MYO10: variants seen among roughly 807,000 people sequenced by gnomAD.
MYO10 encodes unconventional myosin-X.
Under a neutral mutation model 257.3 loss-of-function variants are expected in MYO10, and 133 were observed. The ratio of observed to expected loss-of-function variants is 0.52; its 90% CI spans 0.45 to 0.60. The LOEUF (loss-of-function observed/expected upper bound fraction) is 0.60, where lower values mean the gene tolerates loss of function less well. MYO10 is among the 20% of genes least tolerant of loss of function. MYO10 has a pLI of 0.00. For missense variants in MYO10, 2,399 were observed against 2,635.7 expected (o/e 0.91, Z 1.97); for synonymous variants, 1,104 against 1,028.6 (o/e 1.07, Z -1.40).
intron 19 of MYO10, among the ~76,000 whole-genome samples, chr5:16,715,575 C>A (rs56237609): frequency 0.75 from 113,915 of 151,138 alleles, 43,678 homozygotes; most frequent in East Asian, 0.82. Context: ...GCTGGGATTA[C>A]AGGCATGAGC....
At position 16,663,242 on chromosome 5, in the gene MYO10, TA is replaced by T. The variant is rs977309536; in HGVS notation, c.*3449del. On this transcript the variant is annotated 3_prime_UTR_variant, in exon 41 of 41. Transcript: ENST00000513610. ...AAATTATTTTTGAGAGAATATTCAA[TA>T]AAACAGTAAAAATAGCTGTTTCTGG... The T allele has an allele frequency of 2.1e-5, 3 of 143,106 alleles. No individual in the cohort carries two copies. The highest frequency in any genetic ancestry group is 7.9e-5 in the African/African-American group (3 of 38,210). 8.9% of individuals were successfully genotyped at this position (143,106 alleles called of 1,614,324 possible).
intron 3 of MYO10, among the ~76,000 whole-genome samples, chr5:16,803,714 AAAG>A (rs1742188696): frequency 6.6e-6 from 1 of 152,244 alleles, no homozygotes; most frequent in South Asian, 2.1e-4. Context: ...GCAAAAAAGG[AAAG>A]AATATGTAAA....
At chr5:16,875,978 T>C (rs1744589323) in intron 2 of MYO10, among the ~76,000 whole-genome samples, 1 of 152,076 alleles carries the variant, frequency 6.6e-6, no homozygotes, top group Non-Finnish European at 1.5e-5. Context: ...TTGGGTGTGG[T>C]GGCAGGCACC....
intron 1 of MYO10, chr5:16,916,319 C>A: frequency 6.4e-6 from 2 of 312,688 alleles, no homozygotes; most frequent in Middle Eastern, 5.8e-4. Context: ...TTAAGTTATT[C>A]CCAATCAATA....
intron 32 of MYO10, among the ~76,000 whole-genome samples, chr5:16,680,459 C>G (rs56212717): frequency 6.6e-6 from 1 of 152,112 alleles, no homozygotes; most frequent in Admixed American, 6.5e-5. Context: ...TTCTGACTTT[C>G]CTTCTTACTT....
chr5:16,903,845 T>A (rs1046411207), intron 1 of MYO10, among the ~76,000 whole-genome samples: 11 of 152,158 alleles, frequency 7.2e-5, no homozygotes, highest in Non-Finnish European at 1.5e-4. Flanking sequence ...TGGGCTTAGA[T>A]GGGAGTGAGG....
intron 19 of MYO10, among the ~76,000 whole-genome samples, chr5:16,746,955 C>A (rs1195895038): frequency 1.3e-5 from 2 of 152,210 alleles, no homozygotes; most frequent in Non-Finnish European, 1.5e-5. Flanking sequence ...TCAGTTTAAA[C>A]CTTGTCATGT....
chr5:16,874,343 G>T (rs945575855), intron 2 of MYO10, among the ~76,000 whole-genome samples: 1 of 35,288 alleles, frequency 2.8e-5, no homozygotes, highest in Non-Finnish European at 6.1e-5. Context: ...AAAAAAAAAA[G>T]CGGGGGGGGG....
chr5:16,889,884 A>T (rs1250868132), intron 1 of MYO10, among the ~76,000 whole-genome samples: 1 of 151,772 alleles, frequency 6.6e-6, no homozygotes, highest in Non-Finnish European at 1.5e-5. Flanking sequence ...TCTTGATAAG[A>T]ATCATTTTTG....
At chr5:16,917,430 T>A (rs1280957539) in intron 1 of MYO10, among the ~76,000 whole-genome samples, 1 of 152,168 alleles carries the variant, frequency 6.6e-6, no homozygotes. Context: ...AGCAGCATCC[T>A]CAGCTTCTAC....
chr5:16,719,137 C>A (rs890236914), intron 19 of MYO10, among the ~76,000 whole-genome samples: 1 of 151,870 alleles, frequency 6.6e-6, no homozygotes, highest in South Asian at 2.1e-4. Context: ...ACACTCACCA[C>A]GAAGATCTGC....
intron 2 of MYO10, among the ~76,000 whole-genome samples, chr5:16,829,272 T>G (rs1435265207): frequency 2.6e-5 from 4 of 152,168 alleles, no homozygotes; most frequent in African/African-American, 9.7e-5. Flanking sequence ...CTGAAGGACA[T>G]GAAAGGCACA....
intron 1 of MYO10, among the ~76,000 whole-genome samples, chr5:16,911,992 G>A (rs1323050455): frequency 2.0e-5 from 3 of 152,074 alleles, no homozygotes; most frequent in African/African-American, 7.2e-5. Flanking sequence ...CCAAGATCAT[G>A]CCATTGCACT....
chr5:16,735,921 G>T (rs974412267), intron 19 of MYO10, among the ~76,000 whole-genome samples: 2 of 152,042 alleles, frequency 1.3e-5, no homozygotes, highest in Non-Finnish European at 2.9e-5. Flanking sequence ...ACCCTCACTA[G>T]AGCTAAATCT....
chr5:16,820,808 AT>A (rs1352170528), intron 2 of MYO10, among the ~76,000 whole-genome samples: 4 of 151,428 alleles, frequency 2.6e-5, no homozygotes, highest in Admixed American at 6.6e-5. Context: ...CACTAATTAT[AT>A]TTTACATATA....
intron 29 of MYO10, among the ~76,000 whole-genome samples, chr5:16,685,467 C>T (rs1159640343): frequency 1.3e-5 from 2 of 152,150 alleles, no homozygotes; most frequent in Non-Finnish European, 2.9e-5. Context: ...CCACCTCAGC[C>T]TCCCAAAGTG....
intron 37 of MYO10, 148 bp from the exon 38 acceptor site, chr5:16,671,690 A>C (rs1736472187): frequency 3.9e-6 from 4 of 1,024,070 alleles, no homozygotes; most frequent in African/African-American, 1.6e-5. Context: ...GGATAGAGGA[A>C]TAAACAGAGT....
rs1201592639 is a variant in MYO10, at chr5:16,663,344, T to G, written c.*3348A>C. The G allele has an allele frequency of 7.3e-5, 6 of 82,422 alleles. No homozygotes were observed. Among genetic ancestry groups the G allele is most frequent in the East Asian group, 4.8e-4 (1 of 2,096 alleles). The allele number at this position is 82,422 out of a possible 1,614,324, so 5.1% of individuals were successfully genotyped here. ...CTTCTAGTTGTTTTTTTTTTTTTTT[T>G]TTTTTTTTTTTTTTTTTTTTTTTAC... On this transcript the variant is annotated 3_prime_UTR_variant, in exon 41 of 41. Transcript: ENST00000513610.
chr5:16,764,264 A>G lies in MYO10; in HGVS notation c.1312T>C (p.Phe438Leu). Residue 438 changes from phenylalanine (F) to leucine (L), a missense_variant, in exon 12 of 41, where the codon TTT (phenylalanine) becomes CTT (leucine). By Grantham distance (22) the Phe-to-Leu change is conservative. This residue lies in a region of MYO10 where 337 missense variants were observed against 446.8 expected (regional missense o/e 0.75). Transcript: ENST00000513610. ...AGGAAACCTACCTCAAAGTTTTCAA[A>G]TCCAAAGATGTCGAGGATGCCAATA... is the stretch of plus-strand genomic sequence containing the variant. ...KSIGILDIFGFENFEVNHFEQ... is the reference protein window; with the variant it reads ...KSIGILDIFGLENFEVNHFEQ... 1 of 1,614,038 alleles carries G rather than the reference A, an allele frequency of 6.2e-7. No individual in the cohort carries two copies. The highest frequency in any genetic ancestry group is 8.5e-7 in the Non-Finnish European group (1 of 1,179,896).
Sources: gnomAD v4.1 joint callset for allele counts (sites outside exome capture counted in the v4.1 genomes callset) on GRCh38, gnomAD v4.1.1 for gene constraint, gnomAD v4.1.1 regional missense constraint, MANE v1.5 for transcripts, NCBI Gene and HGNC (gene_info 2026-07-23, HGNC 2026-07-21) for gene names.